The following USP28 variants were observed in gnomAD, a reference collection of about 807,000 sequenced individuals.
USP28 encodes the protein ubiquitin specific peptidase 28, also known as ubiquitin carboxyl-terminal hydrolase 28.
A neutral mutation model predicts 145.0 loss-of-function variants in USP28; 113 were observed. The ratio of observed to expected loss-of-function variants is 0.78; its 90% confidence interval spans 0.67 to 0.91. USP28 has a LOEUF of 0.91. USP28 is among the 40% of genes least tolerant of loss of function. The pLI is 0.00. For synonymous variants in USP28, 447 were observed against 450.9 expected (o/e 0.99, Z 0.11); for missense variants, 1,201 against 1,289.6 (o/e 0.93, Z 1.05).
chr11:113,814,164 C>T (rs943355715), intron 14 of USP28, among the ~76,000 whole-genome samples: 5 of 152,238 alleles, frequency 3.3e-5, no homozygotes, highest in Admixed American at 2.0e-4. Context: ...GGTTTTAAAA[C>T]ATTATTTTTT....
intron 9 of USP28, among the ~76,000 whole-genome samples, chr11:113,829,923 G>A (rs1262889657): frequency 6.7e-6 from 1 of 150,212 alleles, no homozygotes; most frequent in East Asian, 2.0e-4. Context: ...GCCAAAAAAA[G>A]CCTTAGCTAA....
intron 1 of USP28, among the ~76,000 whole-genome samples, chr11:113,860,586 C>T (rs529880748): frequency 5.3e-5 from 8 of 151,918 alleles, no homozygotes; most frequent in South Asian, 2.1e-4. Context: ...TGAAGGCAGG[C>T]GGATCACAAG....
intron 1 of USP28, among the ~76,000 whole-genome samples, chr11:113,873,323 C>A (rs1039254938): frequency 2.0e-5 from 3 of 152,190 alleles, no homozygotes; most frequent in African/African-American, 7.2e-5. Flanking sequence ...TATCAGCTTT[C>A]CGTATAGGGC....
At chr11:113,821,197 T>TCA (rs901784314) in intron 12 of USP28, 1 of 223,260 alleles carries the variant, frequency 4.5e-6, no homozygotes, top group Non-Finnish European at 1.0e-5. Context: ...AGCATGGCAT[T>TCA]CACCATGTGC....
chr11:113,874,854 C>T (rs1949214182), intron 1 of USP28: 1 of 1,005,482 alleles, frequency 9.9e-7, no homozygotes, highest in Non-Finnish European at 1.2e-6. Flanking sequence ...CTATTCATCA[C>T]GCAGCTCCTC....
At chr11:113,845,392 C>T (rs968025703) in intron 3 of USP28, among the ~76,000 whole-genome samples, 8 of 151,116 alleles carry the variant, frequency 5.3e-5, no homozygotes, top group Non-Finnish European at 1.2e-4. Context: ...GCTGAGATCG[C>T]GCCACTGCAC....
intron 7 of USP28, among the ~76,000 whole-genome samples, chr11:113,832,426 G>A (rs1285609687): frequency 1.3e-5 from 2 of 152,064 alleles, no homozygotes; most frequent in Non-Finnish European, 2.9e-5. Context: ...GTTTATTTTT[G>A]GGGGCTGAAT....
intron 5 of USP28, among the ~76,000 whole-genome samples, chr11:113,838,044 T>C (rs890080186): frequency 1.5e-4 from 23 of 152,176 alleles, no homozygotes; most frequent in Middle Eastern, 3.2e-3. Context: ...GCAGTTATCA[T>C]TTCTTCCTCT....
At chr11:113,862,733 A>T (rs1947820365) in intron 1 of USP28, among the ~76,000 whole-genome samples, 1 of 152,194 alleles carries the variant, frequency 6.6e-6, no homozygotes, top group African/African-American at 2.4e-5. Flanking sequence ...CCAATAACAT[A>T]AAAGGAAACC....
In USP28 at chr11:113,833,545, T is replaced by G. The variant is rs769536988; in HGVS notation, c.634A>C (p.Ile212Leu). The G allele has an allele frequency of 3.1e-6, 5 of 1,613,638 alleles. No homozygotes were observed. The Admixed American group carries it at 8.4e-5, about 27-fold the overall frequency. ...TACTGAAGCTCTTGCATAAACATGA[T>G]ATTTCTCTTTTCCTGTAGAAAACAC... is the stretch of plus-strand genomic sequence containing the variant. Residue 212 changes from isoleucine to leucine, a missense_variant, in exon 7 of 25, where the codon ATC (isoleucine) becomes CTC (leucine). Ile to Leu is a conservative substitution (Grantham distance 5). Coordinates refer to ENST00000003302, the Ensembl canonical transcript of USP28.
At chr11:113,833,707 C>T in intron 6 of USP28, 150 bp from the exon 7 acceptor site, 1 of 682,060 alleles carries the variant, frequency 1.5e-6, no homozygotes, top group Non-Finnish European at 2.4e-6. Flanking sequence ...TACAGGGACT[C>T]TGGTAAGGAC....
At chr11:113,808,499 A>C in intron 17 of USP28, 62 bp from the exon 18 acceptor site, 2 of 1,574,078 alleles carry the variant, frequency 1.3e-6, no homozygotes, top group East Asian at 2.2e-5. Flanking sequence ...ACACTCAGAT[A>C]AAAAGCAAGC....
At chr11:113,838,228 T>C (rs2136110254) in intron 5 of USP28, among the ~76,000 whole-genome samples, 1 of 152,286 alleles carries the variant, frequency 6.6e-6, no homozygotes, top group Non-Finnish European at 1.5e-5. Context: ...GCGGTGGTTG[T>C]GAATCCAAGG....
chr11:113,833,450 C>G lies in USP28; in HGVS notation c.729G>C (p.Lys243Asn), dbSNP rs1944239066. The change falls in exon 7 of 25, where the codon AAG becomes AAC. Residue 243 changes from lysine (K) to asparagine (N), a missense_variant. Lys to Asn is a moderately conservative substitution (Grantham distance 94, BLOSUM62 0). Coordinates refer to ENST00000003302, the Ensembl canonical transcript of USP28. ...GTTCCTCAGATGATCGGAATGCTCC[C>G]TTTAATAGATCCAGGGCTGCAGACG... 39 of 1,614,156 alleles carry G rather than the reference C, an allele frequency of 2.4e-5. No homozygotes were observed. In the East Asian group the frequency reaches 8.5e-4, roughly 35 times the overall value.
intron 16 of USP28, among the ~76,000 whole-genome samples, chr11:113,810,195 C>A (rs1274038477): frequency 6.6e-6 from 1 of 152,142 alleles, no homozygotes; most frequent in East Asian, 1.9e-4. Context: ...ATAAGAATGT[C>A]CATTTCAAAA....
chr11:113,800,091 C>T (rs1284093424), intron 24 of USP28, among the ~76,000 whole-genome samples: 4 of 151,556 alleles, frequency 2.6e-5, no homozygotes, highest in Non-Finnish European at 2.9e-5. Flanking sequence ...CTGCAAGCTC[C>T]GCCTCCCGGG....
At chr11:113,804,543 C>T (rs1689074184) in intron 21 of USP28, 130 bp downstream of exon 22, 2 of 739,846 alleles carry the variant, frequency 2.7e-6, no homozygotes, top group Non-Finnish European at 4.3e-6. Flanking sequence ...CCATTCTTTA[C>T]CAGGATTTTG....
At chr11:113,858,042 T>A (rs1199429360) in intron 1 of USP28, among the ~76,000 whole-genome samples, 2 of 151,988 alleles carry the variant, frequency 1.3e-5, no homozygotes, top group Non-Finnish European at 2.9e-5. Flanking sequence ...GTTTTCCTAT[T>A]TTTAGTAGAC....
chr11:113,840,109 C>T (rs1164797887), intron 5 of USP28, among the ~76,000 whole-genome samples: 1 of 152,146 alleles, frequency 6.6e-6, no homozygotes, highest in East Asian at 1.9e-4. Flanking sequence ...TACTATAATC[C>T]ACCTGGTTAC....
Sources: allele counts gnomAD v4.1 joint callset (sites outside exome capture counted in the v4.1 genomes callset), GRCh38; gene constraint gnomAD v4.1.1; transcripts MANE v1.5; gene names NCBI Gene and HGNC (gene_info 2026-07-23, HGNC 2026-07-21).